LARGE1: variants seen among roughly 807,000 people sequenced by gnomAD.
LARGE1 encodes xylosyl- and glucuronyltransferase LARGE1.
In LARGE1, 43 loss-of-function variants were observed where a neutral mutation model predicts 87.6. The ratio of observed to expected loss-of-function variants is 0.49; its 90% confidence interval spans 0.38 to 0.63. The LOEUF (loss-of-function observed/expected upper bound fraction) is 0.63, where lower values mean the gene tolerates loss of function less well. Ranked by LOEUF, LARGE1 falls within the 30% of genes least tolerant of loss-of-function variation. The pLI is 0.00. For synonymous variants in LARGE1, 434 were observed against 394.6 expected, an observed-to-expected ratio of 1.10 and a Z score of -1.18; for missense variants, 802 against 1,000.2, an observed-to-expected ratio of 0.80 and a Z score of 2.67.
intron 1 of LARGE1, among the ~76,000 whole-genome samples, chr22:33,840,017 T>C (rs1192713644): frequency 1.3e-5 from 2 of 152,202 alleles, no homozygotes; most frequent in Non-Finnish European, 2.9e-5. Flanking sequence ...AAACGATCTA[T>C]GGGCCAGATC....
intron 6 of LARGE1, among the ~76,000 whole-genome samples, chr22:33,476,659 T>G (rs2069092959): frequency 6.6e-6 from 1 of 152,168 alleles, no homozygotes; most frequent in Non-Finnish European, 1.5e-5. Context: ...TTAAATGAAG[T>G]AACATTTCCT....
At chr22:33,797,503 G>T (rs2086023393) in intron 1 of LARGE1, among the ~76,000 whole-genome samples, 1 of 152,164 alleles carries the variant, frequency 6.6e-6, no homozygotes, top group Non-Finnish European at 1.5e-5. Context: ...ATTCCAATGG[G>T]CATGAGCCAG....
At chr22:33,293,786 C>T (rs1257035285) in intron 12 of LARGE1, among the ~76,000 whole-genome samples, 1 of 152,208 alleles carries the variant, frequency 6.6e-6, no homozygotes, top group African/African-American at 2.4e-5. Context: ...CTACATGTCA[C>T]TGGCTTATAC....
intron 5 of LARGE1, among the ~76,000 whole-genome samples, chr22:33,567,168 G>A (rs1036759013): frequency 1.3e-5 from 2 of 152,088 alleles, no homozygotes; most frequent in Non-Finnish European, 2.9e-5. Flanking sequence ...CCCTAAATTG[G>A]CCTCCTGTGT....
At chr22:33,223,359 A>G (rs1235378989) in intron 11 of LARGE1, among the ~76,000 whole-genome samples, 1 of 152,232 alleles carries the variant, frequency 6.6e-6, no homozygotes, top group Non-Finnish European at 1.5e-5. Flanking sequence ...TGGGCATTTC[A>G]GGGATTGGCC....
the LARGE1 span, among the ~76,000 whole-genome samples, chr22:33,115,644 C>A: frequency 6.6e-6 from 1 of 151,558 alleles, no homozygotes; most frequent in Non-Finnish European, 1.5e-5. Context: ...GGTGAAACCT[C>A]GTCTCTACTA....
chr22:33,069,107 A>G, the LARGE1 span, among the ~76,000 whole-genome samples: 1 of 152,136 alleles, frequency 6.6e-6, no homozygotes, highest in African/African-American at 2.4e-5. Context: ...CATCGCCATC[A>G]TTTCAAGTCA....
intron 1 of LARGE1, among the ~76,000 whole-genome samples, chr22:33,877,837 G>A (rs554921665): frequency 4.6e-5 from 7 of 151,884 alleles, no homozygotes; most frequent in African/African-American, 7.2e-5. Flanking sequence ...CACAAGAATC[G>A]CTTGAACCTG....
intron 1 of LARGE1, among the ~76,000 whole-genome samples, chr22:33,775,838 C>G (rs2085217223): frequency 7.9e-6 from 1 of 126,086 alleles, no homozygotes; most frequent in Non-Finnish European, 1.6e-5. Context: ...GGTGACAGAA[C>G]AAGTCACTGT....
chr22:33,692,219 C>G (rs536104888), intron 2 of LARGE1, among the ~76,000 whole-genome samples: 2 of 152,314 alleles, frequency 1.3e-5, no homozygotes, highest in South Asian at 4.1e-4. Flanking sequence ...GCTTAAAACA[C>G]TGCTTCCTGA....
chr22:33,879,831 G>A (rs1226370202), intron 1 of LARGE1, among the ~76,000 whole-genome samples: 1 of 152,182 alleles, frequency 6.6e-6, no homozygotes, highest in Non-Finnish European at 1.5e-5. Context: ...ATTCATGTAG[G>A]TATCTTCGGC....
At chr22:33,759,267 A>G (rs116356834) in intron 2 of LARGE1, among the ~76,000 whole-genome samples, 46 of 152,288 alleles carry the variant, frequency 3.0e-4, no homozygotes, top group African/African-American at 1.1e-3. Flanking sequence ...AAAGAGTGCA[A>G]ATCAAAATTC....
chr22:33,415,587 G>T (rs904274003), intron 7 of LARGE1, among the ~76,000 whole-genome samples: 1 of 152,190 alleles, frequency 6.6e-6, no homozygotes, highest in Non-Finnish European at 1.5e-5. Flanking sequence ...CTCTCTAGCT[G>T]CTCAGTTTAA....
In LARGE1 at chr22:33,389,735, C is replaced by T. The variant is rs182509937; in HGVS notation, c.893-5431G>A. Among the ~76,000 whole-genome samples the T allele has an allele frequency of 5.8e-3, 882 of 152,182 alleles. 7 individuals are homozygous for T. Among genetic ancestry groups the T allele is most frequent in the African/African-American group, 0.02 (830 of 41,520 alleles). ...TGGTGTGTGCCTATAGTCCCAGTTACTTGGGAGGCTGAGGCAGGAGAATCA... is the reference window on the plus strand; with the variant it reads ...TGGTGTGTGCCTATAGTCCCAGTTATTTGGGAGGCTGAGGCAGGAGAATCA... On this transcript the variant is annotated intron_variant, in intron 7 of 14. Transcript: ENST00000397394.
rs2079807462 is a variant in LARGE1 at position 33,623,118 on chromosome 22, C to T, written c.491+3126G>A. 2.0e-5 allele frequency among the ~76,000 whole-genome samples: 3 copies of T among 151,216 alleles called. No homozygotes were observed. The South Asian group carries it at 6.2e-4, about 31-fold the overall frequency. Reference sequence around the variant, plus strand: ...TGAATACCTGTACATCATGCAAAGGCCCTTTTCTAGAAAGTGGGCTTTTTT... The same window carrying T: ...TGAATACCTGTACATCATGCAAAGGTCCTTTTCTAGAAAGTGGGCTTTTTT... On this transcript the variant is annotated intron_variant, in intron 4 of 14. Transcript: ENST00000397394.
At chr22:33,761,596 GC>G in intron 1 of LARGE1, 38 bp from the exon 2 acceptor site, 1 of 779,932 alleles carries the variant, frequency 1.3e-6, no homozygotes, top group Non-Finnish European at 2.3e-6. Flanking sequence ...TGAGTTCTTA[GC>G]ACTGGAGATG....
intron 1 of LARGE1, among the ~76,000 whole-genome samples, chr22:33,854,815 G>A (rs1279227393): frequency 1.3e-5 from 2 of 152,154 alleles, no homozygotes; most frequent in East Asian, 3.8e-4. Flanking sequence ...TAAATGTATC[G>A]GTGACATATG....
chr22:33,096,864 G>A, the LARGE1 span, among the ~76,000 whole-genome samples: 1 of 152,122 alleles, frequency 6.6e-6, no homozygotes, highest in Middle Eastern at 3.2e-3. Flanking sequence ...CGCGCCCGGC[G>A]GATCTGGAGC....
At chr22:33,439,078 G>T (rs1202472866) in intron 6 of LARGE1, among the ~76,000 whole-genome samples, 2 of 152,006 alleles carry the variant, frequency 1.3e-5, no homozygotes, top group African/African-American at 4.8e-5. Context: ...GCTGGGTGTG[G>T]TGGCATGCAC....
Sources: allele counts gnomAD v4.1 joint callset (sites outside exome capture counted in the v4.1 genomes callset), GRCh38; gene constraint gnomAD v4.1.1; transcripts MANE v1.5; gene names NCBI Gene and HGNC (gene_info 2026-07-23, HGNC 2026-07-21).